FBXW11: variants seen among roughly 807,000 people sequenced by gnomAD.
FBXW11 encodes the protein F-box/WD repeat-containing protein 11.
FBXW11 carries 19 observed loss-of-function variants against 77.6 expected under a neutral mutation model. That is an observed-to-expected ratio of 0.24 (90% CI 0.17 to 0.36). The LOEUF (loss-of-function observed/expected upper bound fraction) is 0.36. Among genes scored for constraint, FBXW11 ranks in the 10% least tolerant of loss-of-function variants. FBXW11 has a pLI of 1.00. For missense variants in FBXW11, 334 were observed against 704.2 expected, an observed-to-expected ratio of 0.47 and a Z score of 5.95; for synonymous variants, 235 against 249.4, an observed-to-expected ratio of 0.94 and a Z score of 0.54.
chr5:171,995,710 G>A (rs186789561), intron 1 of FBXW11, among the ~76,000 whole-genome samples: 2 of 151,768 alleles, frequency 1.3e-5, no homozygotes, highest in East Asian at 1.9e-4. Context: ...TGGAGATCGC[G>A]CCACTGCACT....
intron 6 of FBXW11, among the ~76,000 whole-genome samples, chr5:171,897,602 ACTAT>A (rs1759830746): frequency 6.6e-6 from 1 of 152,202 alleles, no homozygotes; most frequent in African/African-American, 2.4e-5. Context: ...ATTCAATCAA[ACTAT>A]CTATGTTGCC....
chr5:171,891,625 G>GGGA (rs1479237272), intron 6 of FBXW11, 21 bp from the exon 7 acceptor site: 1 of 1,602,012 alleles, frequency 6.2e-7, no homozygotes, highest in Admixed American at 1.8e-5. Flanking sequence ...AAGGAGGCAA[G>GGGA]AGATGAGTTT....
intron 1 of FBXW11, chr5:171,996,880 A>G: frequency 7.8e-7 from 1 of 1,279,582 alleles, no homozygotes; most frequent in South Asian, 1.2e-5. Flanking sequence ...AATACAGGGT[A>G]ATTGCTTACC....
chr5:171,901,769 G>C (rs1282879415), intron 4 of FBXW11, among the ~76,000 whole-genome samples: 1 of 152,160 alleles, frequency 6.6e-6, no homozygotes. Flanking sequence ...TTGGAAAGGT[G>C]GGGGGCAGCT....
At position 171,957,675 on chromosome 5, in the gene FBXW11, C is replaced by A; in HGVS notation, c.69G>T (p.Trp23Cys). Residue 23 changes from tryptophan (W) to cysteine (C), a missense_variant, in exon 2 of 14, where the codon TGG becomes TGT. Transcript: ENST00000517395. ...ELMCSVPRSL[W>C]LGCANLVESM... ...TCTCTACCAGGTTGGCGCAGCCTAGCCACAAAGACCTTGGCACAGAACACT... is the reference window on the plus strand; with the variant it reads ...TCTCTACCAGGTTGGCGCAGCCTAGACACAAAGACCTTGGCACAGAACACT... 6.2e-7 allele frequency: 1 copy of A among 1,614,116 alleles called. No individual in the cohort carries two copies. The highest frequency in any genetic ancestry group is 1.1e-5 in the South Asian group (1 of 91,086).
chr5:171,890,869 C>G (rs936317533), intron 7 of FBXW11, among the ~76,000 whole-genome samples: 2 of 152,100 alleles, frequency 1.3e-5, no homozygotes, highest in East Asian at 1.9e-4. Context: ...GTGTGTTTAT[C>G]AAAATTCACA....
chr5:171,880,096 A>C (rs1399010100), intron 7 of FBXW11, among the ~76,000 whole-genome samples: 3 of 152,070 alleles, frequency 2.0e-5, no homozygotes, highest in Non-Finnish European at 4.4e-5. Flanking sequence ...ATCCATTTTG[A>C]GTTAATTTTT....
chr5:171,915,614 T>TGTGTGTGTGTGTGTGTGC (rs1491288888), intron 2 of FBXW11, among the ~76,000 whole-genome samples: 1 of 5,296 alleles, frequency 1.9e-4, no homozygotes, highest in East Asian at 6.7e-3. Flanking sequence ...TCACTCATTC[T>TGTGTGTGTGTGTGTGTGC]GTGTGTGTGT....
intron 3 of FBXW11, among the ~76,000 whole-genome samples, chr5:171,911,357 G>T (rs1174617062): frequency 6.6e-6 from 1 of 152,172 alleles, no homozygotes; most frequent in Admixed American, 6.5e-5. Flanking sequence ...AGTCTGGAGT[G>T]GAGCCCATGA....
chr5:171,944,379 T>A (rs1187827978), intron 2 of FBXW11, among the ~76,000 whole-genome samples: 3 of 151,560 alleles, frequency 2.0e-5, no homozygotes, highest in African/African-American at 7.3e-5. Flanking sequence ...ATCAAGACCA[T>A]CCTGGCTAAC....
chr5:171,907,072 A>G (rs1760576789), intron 4 of FBXW11, among the ~76,000 whole-genome samples: 1 of 152,230 alleles, frequency 6.6e-6, no homozygotes, highest in African/African-American at 2.4e-5. Flanking sequence ...TTTTCCCATT[A>G]ACAACAGTTC....
chr5:171,873,680 C>T (rs1453806367), intron 9 of FBXW11, among the ~76,000 whole-genome samples: 2 of 152,212 alleles, frequency 1.3e-5, no homozygotes, highest in Non-Finnish European at 2.9e-5. Flanking sequence ...ATATCATCCT[C>T]TTTTCCAGCA....
chr5:171,933,459 G>A (rs1256219111), intron 2 of FBXW11, among the ~76,000 whole-genome samples: 1 of 152,182 alleles, frequency 6.6e-6, no homozygotes, highest in Non-Finnish European at 1.5e-5. Context: ...CCCAAAGAAT[G>A]TACAACACCA....
chr5:171,920,062 C>A (rs1283413041), intron 2 of FBXW11, among the ~76,000 whole-genome samples: 1 of 152,110 alleles, frequency 6.6e-6, no homozygotes, highest in Non-Finnish European at 1.5e-5. Context: ...ACTTGGGAGG[C>A]TGAGGCAGAA....
Position 171,978,773 on chromosome 5 carries a change from G to A in FBXW11, c.46-21075C>T, listed in dbSNP as rs149102166. ...TTCCTCACCCTAGTGATTTCCTTCC[G>A]CTACACTCCCCCATGCACCTAGAAG... On this transcript the variant is annotated intron_variant, in intron 1 of 13. Coordinates refer to ENST00000517395, the MANE Select transcript of FBXW11 (RefSeq NM_001378974.1). 7.7e-4 allele frequency among the ~76,000 whole-genome samples: 117 copies of A among 152,220 alleles called. 1 individual carries two copies. The highest frequency in any genetic ancestry group is 2.5e-3 in the African/African-American group (104 of 41,528).
intron 1 of FBXW11, among the ~76,000 whole-genome samples, chr5:171,973,349 A>T (rs1340710613): frequency 2.0e-5 from 3 of 152,242 alleles, no homozygotes; most frequent in Admixed American, 2.0e-4. Context: ...TTATAGATTC[A>T]AAGAGATATA....
intron 7 of FBXW11, among the ~76,000 whole-genome samples, chr5:171,881,689 C>A (rs1376148169): frequency 1.3e-5 from 2 of 152,122 alleles, no homozygotes; most frequent in African/African-American, 4.8e-5. Flanking sequence ...ACAGAATTCA[C>A]CAGTAACTCA....
intron 2 of FBXW11, among the ~76,000 whole-genome samples, chr5:171,936,118 A>T (rs1762469131): frequency 6.6e-6 from 1 of 150,892 alleles, no homozygotes; most frequent in Admixed American, 6.6e-5. Flanking sequence ...CTAAAAAAAA[A>T]AAAAAAAAAA....
At chr5:171,871,985 G>A (rs1008717263) in intron 10 of FBXW11, among the ~76,000 whole-genome samples, 13 of 152,164 alleles carry the variant, frequency 8.5e-5, no homozygotes, top group African/African-American at 2.7e-4. Flanking sequence ...AAAGCATGAT[G>A]AATATAAGAG....
Sources: allele counts gnomAD v4.1 joint callset (sites outside exome capture counted in the v4.1 genomes callset), GRCh38; gene constraint gnomAD v4.1.1; transcripts MANE v1.5; gene names NCBI Gene and HGNC (gene_info 2026-07-23, HGNC 2026-07-21).